EPHA7: variants seen among roughly 807,000 people sequenced by gnomAD.
EPHA7 encodes ephrin type-A receptor 7.
A neutral mutation model predicts 112.6 loss-of-function variants in EPHA7; 25 were observed. That is an observed-to-expected ratio of 0.22 (90% confidence interval 0.16 to 0.31). The LOEUF is 0.31. EPHA7 is among the 10% of genes least tolerant of loss of function. The pLI is 1.00. For synonymous variants in EPHA7, 437 were observed against 406.5 expected, an observed-to-expected ratio of 1.07 and a Z score of -0.90; for missense variants, 962 against 1,212.6, an observed-to-expected ratio of 0.79 and a Z score of 3.07.
chr6:93,286,145 TACACAC>T (rs111975905), intron 5 of EPHA7, among the ~76,000 whole-genome samples: 10 of 149,994 alleles, frequency 6.7e-5, no homozygotes, highest in Admixed American at 4.0e-4. Flanking sequence ...TGTTTTTCCT[TACACAC>T]ACACACACAC....
chr6:93,291,067 G>C (rs576161556), intron 5 of EPHA7, among the ~76,000 whole-genome samples: 41 of 152,204 alleles, frequency 2.7e-4, no homozygotes, highest in African/African-American at 9.1e-4. Flanking sequence ...TTTAAAATGA[G>C]TAAATTTTAT....
At chr6:93,246,114 T>G (rs998117543) in intron 15 of EPHA7, among the ~76,000 whole-genome samples, 2 of 151,858 alleles carry the variant, frequency 1.3e-5, no homozygotes, top group Admixed American at 1.3e-4. Flanking sequence ...TGCAGTGGCG[T>G]GATCTCAGCT....
At chr6:93,286,661 T>G (rs1772080554) in intron 5 of EPHA7, among the ~76,000 whole-genome samples, 1 of 152,186 alleles carries the variant, frequency 6.6e-6, no homozygotes, top group Non-Finnish European at 1.5e-5. Context: ...CACCAGATCA[T>G]GGATAAAAAT....
chr6:93,308,419 TA>T (rs1388811020), intron 5 of EPHA7, among the ~76,000 whole-genome samples: 2 of 152,100 alleles, frequency 1.3e-5, no homozygotes, highest in Non-Finnish European at 2.9e-5. Flanking sequence ...GAGTTTGATC[TA>T]AAAGCCATTA....
intron 5 of EPHA7, among the ~76,000 whole-genome samples, chr6:93,307,824 G>A (rs1475870364): frequency 3.9e-5 from 6 of 152,130 alleles, no homozygotes; most frequent in African/African-American, 1.2e-4. Context: ...TCCATACGTT[G>A]AGCTTGGGAG....
intron 3 of EPHA7, among the ~76,000 whole-genome samples, chr6:93,362,220 C>T (rs1278919352): frequency 2.0e-5 from 3 of 151,388 alleles, no homozygotes; most frequent in Admixed American, 6.6e-5. Context: ...GCAAAACCAC[C>T]AAAGAAAAAG....
chr6:93,249,491 T>G (rs1396111404), intron 14 of EPHA7, among the ~76,000 whole-genome samples: 1 of 152,152 alleles, frequency 6.6e-6, no homozygotes, highest in Non-Finnish European at 1.5e-5. Context: ...TTTTATATAT[T>G]CAAAATGACC....
intron 5 of EPHA7, among the ~76,000 whole-genome samples, chr6:93,318,218 T>G (rs538317931): frequency 6.6e-6 from 1 of 152,300 alleles, no homozygotes; most frequent in African/African-American, 2.4e-5. Flanking sequence ...AAAGTGTTAG[T>G]TTCCTTCTCT....
At chr6:93,245,536 T>C in intron 15 of EPHA7, 83 bp from the exon 16 acceptor site, 1 of 1,405,808 alleles carries the variant, frequency 7.1e-7, no homozygotes, top group Non-Finnish European at 9.6e-7. Flanking sequence ...AATTAAGGTA[T>C]AAAGAACAAA....
At chr6:93,292,110 G>A (rs925520294) in intron 5 of EPHA7, among the ~76,000 whole-genome samples, 65 of 152,172 alleles carry the variant, frequency 4.3e-4, no homozygotes, top group African/African-American at 1.2e-3. Context: ...TATTACTGAA[G>A]ACACTCCCCA....
chr6:93,404,842 C>A (rs911574132), intron 3 of EPHA7, among the ~76,000 whole-genome samples: 5 of 151,650 alleles, frequency 3.3e-5, no homozygotes, highest in Non-Finnish European at 7.4e-5. Context: ...CGAACAAAAT[C>A]TATGAGCTGT....
chr6:93,332,037 T>A (rs925988303), intron 5 of EPHA7, among the ~76,000 whole-genome samples: 1 of 151,618 alleles, frequency 6.6e-6, no homozygotes, highest in Non-Finnish European at 1.5e-5. Flanking sequence ...GTGCTTGACT[T>A]TTTTGTTGTT....
rs1283980348 is a variant in EPHA7 at position 93,300,589 on chromosome 6, A to G, written c.1325-28167T>C. ...CTCGATGTTTAGTCAAATTTTGCTA[A>G]CACTTAATCTGTAATTTTTAAAGCT... On this transcript the variant is annotated intron_variant, in intron 5 of 16. Transcript: ENST00000369303. 2.0e-5 allele frequency among the ~76,000 whole-genome samples: 3 copies of G among 152,294 alleles called. No homozygotes were observed. The East Asian group carries it at 5.8e-4, about 29-fold the overall frequency.
intron 3 of EPHA7, among the ~76,000 whole-genome samples, chr6:93,392,279 C>T (rs1036470006): frequency 1.3e-5 from 2 of 151,960 alleles, no homozygotes; most frequent in Admixed American, 6.6e-5. Context: ...TCCTTGACCC[C>T]TATAGCACAG....
intron 5 of EPHA7, among the ~76,000 whole-genome samples, chr6:93,323,174 T>C (rs1774161605): frequency 6.6e-6 from 1 of 151,614 alleles, no homozygotes. Context: ...TTCGTCTCTT[T>C]ATGAAAGAAA....
In EPHA7 at chr6:93,410,559, C is replaced by A. The variant is rs768441444; in HGVS notation, c.774G>T (p.Val258=). 1.2e-6 allele frequency: 2 copies of A among 1,614,024 alleles called. No individual in the cohort carries two copies. The highest frequency in any genetic ancestry group is 3.3e-5 in the Admixed American group (2 of 59,986). Residue 258 remains valine, a synonymous_variant, in exon 3 of 17, where the codon GTG becomes GTT. Coordinates refer to ENST00000369303, the MANE Select transcript of EPHA7 (RefSeq NM_004440.4). The surrounding 1 kb of genome is among the most constrained non-coding windows in gnomAD (Gnocchi z 4.0). ...MHCSAEGEWL[V]PIGKCICKAG... ...CTTTGCAGATACATTTTCCAATGGG[C>A]ACTAACCATTCTCCTTCTGCACTGC...
chr6:93,367,546 T>C (rs1776576683), intron 3 of EPHA7, among the ~76,000 whole-genome samples: 1 of 152,160 alleles, frequency 6.6e-6, no homozygotes, highest in Admixed American at 6.5e-5. Context: ...TCTCACTATA[T>C]AAGGTCTCAC....
intron 5 of EPHA7, among the ~76,000 whole-genome samples, chr6:93,346,968 A>T (rs1371575937): frequency 6.6e-6 from 1 of 151,914 alleles, no homozygotes; most frequent in Non-Finnish European, 1.5e-5. Context: ...AAAATAAACG[A>T]TCTTCTATTA....
intron 5 of EPHA7, among the ~76,000 whole-genome samples, chr6:93,314,295 A>G (rs1051010571): frequency 1.3e-5 from 2 of 152,082 alleles, no homozygotes; most frequent in African/African-American, 4.8e-5. Flanking sequence ...CTCTTATTAT[A>G]TTGTCTAACA....
Sources: allele counts gnomAD v4.1 joint callset (sites outside exome capture counted in the v4.1 genomes callset), GRCh38; gene constraint gnomAD v4.1.1; non-coding constraint Gnocchi (gnomAD v3.1); transcripts MANE v1.5; gene names NCBI Gene and HGNC (gene_info 2026-07-23, HGNC 2026-07-21).